TOR1AIP2: variants seen among roughly 807,000 people sequenced by gnomAD.
TOR1AIP2 encodes torsin-1A-interacting protein 2.
TOR1AIP2 carries 20 observed loss-of-function variants against 32.6 expected under a neutral mutation model. The ratio of observed to expected loss-of-function variants is 0.61; its 90% CI spans 0.43 to 0.89. TOR1AIP2 has a LOEUF of 0.89. TOR1AIP2 is among the 40% of genes least tolerant of loss of function. The probability of loss-of-function intolerance (pLI) is 0.00; values close to 1 mark genes in which losing one functional copy is unlikely to be tolerated. For missense variants in TOR1AIP2, 456 were observed against 553.8 expected (o/e 0.82, Z 1.77); for synonymous variants, 214 against 210.8 (o/e 1.02, Z -0.13).
intron 5 of TOR1AIP2, among the ~76,000 whole-genome samples, chr1:179,850,604 CT>C (rs1696077730): frequency 6.6e-6 from 1 of 152,194 alleles, no homozygotes; most frequent in African/African-American, 2.4e-5. Context: ...TAAAAACATG[CT>C]TAGAAATGCA....
At chr1:179,864,866 C>G in intron 3 of TOR1AIP2, 1 of 1,613,956 alleles carries the variant, frequency 6.2e-7, no homozygotes, top group Non-Finnish European at 8.5e-7. Flanking sequence ...ACCAGCTACT[C>G]GAGAGTCATG....
intron 5 of TOR1AIP2, among the ~76,000 whole-genome samples, chr1:179,850,359 C>T (rs1331018860): frequency 2.0e-5 from 3 of 152,196 alleles, no homozygotes; most frequent in South Asian, 4.1e-4. Flanking sequence ...GAGAAACTAA[C>T]TGTCTTACTC....
chr1:179,853,656 G>A (rs1696196187), intron 3 of TOR1AIP2, among the ~76,000 whole-genome samples: 2 of 152,054 alleles, frequency 1.3e-5, no homozygotes, highest in Admixed American at 1.3e-4. Flanking sequence ...CTAGCCAACT[G>A]GCCGTCTTTA....
rs542770924 is a variant in TOR1AIP2 at position 179,845,500 on chromosome 1, T to G, written c.*571A>C. The G allele has an allele frequency of 3.3e-5, 5 of 152,426 alleles. No homozygotes were observed. Among genetic ancestry groups the G allele is most frequent in the African/African-American group, 1.2e-4 (5 of 41,562 alleles). The allele number at this position is 152,426 out of a possible 1,614,324, so 9.4% of individuals were successfully genotyped here. On this transcript the variant is annotated 3_prime_UTR_variant, in exon 7 of 7. Transcript: ENST00000609928. ...CAGTGCCTTACATGTAGTATTTAGG[T>G]AGGTACTTAATGGTTTGAATTCTTA...
rs1695779163 is a variant in TOR1AIP2, at chr1:179,843,115, T to C, written c.*2956A>G. On this transcript the variant is annotated 3_prime_UTR_variant, in exon 7 of 7. Coordinates refer to ENST00000609928, the MANE Select transcript of TOR1AIP2 (RefSeq NM_001199260.2). ...TAACCTAATACATTAGATAATAGAT[T>C]TGAATTATCTGTACATTTATAAAAT... 6.6e-6 allele frequency: 1 copy of C among 151,664 alleles called. No homozygotes were observed. Among genetic ancestry groups the C allele is most frequent in the East Asian group, 1.9e-4 (1 of 5,176 alleles). 9.4% of individuals were successfully genotyped at this position (151,664 alleles called of 1,614,324 possible). A position where few individuals can be genotyped will look rare whatever the true frequency, so the allele number is the denominator to read the frequency against.
chr1:179,852,453 T>C (rs1696153241), intron 4 of TOR1AIP2, among the ~76,000 whole-genome samples, 179 bp downstream of exon 4: 1 of 152,154 alleles, frequency 6.6e-6, no homozygotes, highest in Non-Finnish European at 1.5e-5. Context: ...ATAATTAGGG[T>C]CTCGCATTAT....
intron 3 of TOR1AIP2, chr1:179,859,489 G>T (rs776185608): frequency 1.0e-6 from 1 of 985,386 alleles, no homozygotes; most frequent in Non-Finnish European, 1.2e-6. Context: ...CTTACATCTA[G>T]GTTTGAATTG....
intron 2 of TOR1AIP2, chr1:179,867,748 C>CA (rs1304691699): frequency 9.2e-5 from 14 of 152,292 alleles, no homozygotes; most frequent in Admixed American, 9.2e-4. Context: ...TCCAAGTGCT[C>CA]AGAATAATTC....
At chr1:179,848,617 C>T (rs1696006886) in intron 5 of TOR1AIP2, among the ~76,000 whole-genome samples, 1 of 152,176 alleles carries the variant, frequency 6.6e-6, no homozygotes, top group Admixed American at 6.5e-5. Context: ...TAAATTTGTG[C>T]TTAACCCCAG....
intron 3 of TOR1AIP2, chr1:179,861,568 A>G: frequency 1.0e-6 from 1 of 985,432 alleles, no homozygotes; most frequent in Non-Finnish European, 1.2e-6. Context: ...ACACTGAACA[A>G]AACTGTTTGT....
chr1:179,848,034 GAAAA>G (rs11445917), intron 5 of TOR1AIP2, among the ~76,000 whole-genome samples: 1 of 86,732 alleles, frequency 1.2e-5, no homozygotes, highest in African/African-American at 4.0e-5. Context: ...CTCCATCTCA[GAAAA>G]AAAAAAAAAA....
At chr1:179,875,789 G>A (rs1459804571) in intron 2 of TOR1AIP2, 3 of 151,744 alleles carry the variant, frequency 2.0e-5, no homozygotes, top group Admixed American at 6.6e-5. Context: ...AACAAAATAG[G>A]AATTCAAACC....
Position 179,846,182 on chromosome 1 carries a change from G to A in TOR1AIP2, c.1302C>T (p.Ser434=). The A allele has an allele frequency of 1.9e-6, 3 of 1,614,226 alleles. No individual in the cohort carries two copies. The highest frequency in any genetic ancestry group is 2.5e-6 in the Non-Finnish European group (3 of 1,180,048). The change falls in exon 7 of 7, where the codon TCC becomes TCT. Residue 434 remains serine, a synonymous_variant. Coordinates refer to ENST00000609928, the MANE Select transcript of TOR1AIP2 (RefSeq NM_001199260.2). Reference sequence around the variant, plus strand: ...ATTTGTCTGAGTCCATGTGGTTGAAGGAGGTGGGAGTGTCAGAGTTGGTAA... The same window carrying A: ...ATTTGTCTGAGTCCATGTGGTTGAAAGAGGTGGGAGTGTCAGAGTTGGTAA... ...AKFTNSDTPT[S]FNHMDSDKLS...
At chr1:179,864,012 T>A (rs895995265) in intron 3 of TOR1AIP2, 18 of 985,336 alleles carry the variant, frequency 1.8e-5, no homozygotes, top group Non-Finnish European at 2.0e-5. Flanking sequence ...CATCTCCTGA[T>A]AGGTACTTTT....
chr1:179,867,167 C>T (rs933371631), intron 2 of TOR1AIP2, among the ~76,000 whole-genome samples: 1 of 152,092 alleles, frequency 6.6e-6, no homozygotes, highest in South Asian at 2.1e-4. Context: ...ATTTAAAAGG[C>T]GAATGAAGAG....
intron 3 of TOR1AIP2, chr1:179,864,899 G>A: frequency 6.2e-7 from 1 of 1,614,028 alleles, no homozygotes; most frequent in Non-Finnish European, 8.5e-7. Context: ...AACCAGTGGA[G>A]GACCCAGAAG....
chr1:179,866,929 G>GA (rs1378749847), intron 2 of TOR1AIP2, among the ~76,000 whole-genome samples: 4 of 148,900 alleles, frequency 2.7e-5, no homozygotes, highest in African/African-American at 1.0e-4. Flanking sequence ...CCACCTAGAG[G>GA]GTATCACAGA....
chr1:179,869,195 C>T (rs1269618474), intron 2 of TOR1AIP2: 1 of 149,698 alleles, frequency 6.7e-6, no homozygotes, highest in Non-Finnish European at 1.5e-5. Flanking sequence ...AGGCTGGTCT[C>T]GAACTCCGAA....
intron 6 of TOR1AIP2, 22 bp from the exon 7 acceptor site, chr1:179,846,850 A>C (rs1558008704): frequency 1.3e-6 from 2 of 1,562,802 alleles, no homozygotes; most frequent in Non-Finnish European, 1.7e-6. Context: ...ATGAAAAAGG[A>C]ATAGAAAATT....
Sources: allele counts gnomAD v4.1 joint callset (sites outside exome capture counted in the v4.1 genomes callset), GRCh38; gene constraint gnomAD v4.1.1; transcripts MANE v1.5; gene names NCBI Gene and HGNC (gene_info 2026-07-23, HGNC 2026-07-21).